Variants in GFPT2 observed in about 807,000 individuals in gnomAD.
GFPT2 encodes glutamine--fructose-6-phosphate aminotransferase [isomerizing] 2.
In GFPT2, 62 loss-of-function variants were observed where a neutral mutation model predicts 85.6. The ratio of observed to expected loss-of-function variants is 0.72; its 90% CI spans 0.59 to 0.90. The LOEUF (loss-of-function observed/expected upper bound fraction) is 0.90, where lower values mean the gene tolerates loss of function less well. Among genes scored for constraint, GFPT2 ranks in the 40% least tolerant of loss-of-function variants. The pLI is 0.00. For missense variants in GFPT2, 788 were observed against 893.4 expected, an observed-to-expected ratio of 0.88 and a Z score of 1.50; for synonymous variants, 368 against 344.5, an observed-to-expected ratio of 1.07 and a Z score of -0.75.
intron 18 of GFPT2, 68 bp from the exon 19 acceptor site, chr5:180,301,676 A>G (rs1763675248): frequency 5.5e-6 from 7 of 1,272,410 alleles, no homozygotes; most frequent in Non-Finnish European, 6.9e-6. Flanking sequence ...CTCACAGACA[A>G]TTTTCAGAGT....
chr5:180,348,162 G>C lies in GFPT2; in HGVS notation c.7+5049C>G, dbSNP rs563700141. ...ACCTTTATAGTCCATGAGCCTCCTA[G>C]AGATTAGGTATCATCCCAGGTCCCA... On this transcript the variant is annotated intron_variant, in intron 1 of 18. Transcript: ENST00000253778. Among the ~76,000 whole-genome samples, 4 of 152,340 alleles carry C rather than the reference G, an allele frequency of 2.6e-5. No homozygotes were observed. In the South Asian group the frequency reaches 8.3e-4, roughly 32 times the overall value.
chr5:180,309,150 G>A (rs1000231077), intron 15 of GFPT2, among the ~76,000 whole-genome samples: 3 of 152,046 alleles, frequency 2.0e-5, no homozygotes, highest in Non-Finnish European at 4.4e-5. Flanking sequence ...GGGATTACAG[G>A]CATCAGCCAC....
rs750170076 is a variant in GFPT2 at position 180,328,287 on chromosome 5, C to T, written c.586G>A (p.Val196Ile). ...TGTGTTTTGCCTCACCGTGTGGCAA[C>T]GGCTTCTCCTGGGTAGTGGACACTC... ...FKSVHYPGEA[V>I]ATRRGSPLLI... Residue 196 changes from valine to isoleucine, a missense_variant, in exon 7 of 19, where the codon GTT (valine) becomes ATT (isoleucine). Coordinates refer to ENST00000253778, the MANE Select transcript of GFPT2 (RefSeq NM_005110.4). This position sits in a 1 kb window ranked among gnomAD's most constrained non-coding sequence, Gnocchi z 5.4. The T allele has an allele frequency of 2.5e-5, 41 of 1,611,168 alleles. No individual in the cohort carries two copies. The highest frequency in any genetic ancestry group is 2.5e-4 in the South Asian group (23 of 91,030).
rs528262983 is a variant in GFPT2 at position 180,328,237 on chromosome 5, C to T, written c.596+40G>A. 2.6e-5 allele frequency: 38 copies of T among 1,476,906 alleles called. No individual in the cohort carries two copies. In the East Asian group the frequency reaches 6.6e-4, roughly 25 times the overall value. The allele number at this position is 1,476,906 out of a possible 1,614,324, so 91.5% of individuals were successfully genotyped here. On this transcript the variant is annotated intron_variant, in intron 7 of 18. Transcript: ENST00000253778. The surrounding 1 kb of genome is among the most constrained non-coding windows in gnomAD (Gnocchi z 5.4). ...CCCTCCAGCTAAGTGATTTTATTTT[C>T]GTTCTTTCTTATGGGAAATGCCAGT...
At chr5:180,324,974 G>T in intron 7 of GFPT2, 79 bp from the exon 8 acceptor site, 1 of 899,514 alleles carries the variant, frequency 1.1e-6, no homozygotes, top group Non-Finnish European at 1.9e-6. Context: ...TCTGAGGTAG[G>T]ATCCCCAAAT....
chr5:180,321,147 A>G (rs62404931), intron 9 of GFPT2, among the ~76,000 whole-genome samples: 5 of 152,164 alleles, frequency 3.3e-5, no homozygotes, highest in African/African-American at 1.2e-4. Context: ...GTATAAAAGT[A>G]TACAGAGCTT....
chr5:180,305,485 G>T (rs535860115), intron 16 of GFPT2, among the ~76,000 whole-genome samples: 1 of 152,266 alleles, frequency 6.6e-6, no homozygotes, highest in South Asian at 2.1e-4. Flanking sequence ...CCACGTCATT[G>T]AAATGGTGAG....
At position 180,346,162 on chromosome 5, in the gene GFPT2, G is replaced by A. The variant is rs544032551; in HGVS notation, c.7+7049C>T. On this transcript the variant is annotated intron_variant, in intron 1 of 18. Coordinates refer to ENST00000253778, the MANE Select transcript of GFPT2 (RefSeq NM_005110.4). ...CTCTAATCCTCATGACATCCTGTGT[G>A]AAGAGACTGTGGTTCCCAGGGATAG... is the stretch of plus-strand genomic sequence containing the variant. Among the ~76,000 whole-genome samples the A allele has an allele frequency of 1.1e-4, 16 of 152,224 alleles. No homozygotes were observed. In the East Asian group the frequency reaches 2.9e-3, roughly 28 times the overall value.
intron 3 of GFPT2, chr5:180,336,254 T>C: frequency 1.7e-6 from 1 of 597,050 alleles, no homozygotes; most frequent in Admixed American, 3.0e-5. Context: ...ATAACTACTG[T>C]ATGTAACCCT....
At chr5:180,310,231 T>G (rs1763853707) in intron 15 of GFPT2, among the ~76,000 whole-genome samples, 1 of 151,698 alleles carries the variant, frequency 6.6e-6, no homozygotes, top group African/African-American at 2.4e-5. Flanking sequence ...GCCTCCCAAG[T>G]AGCTGGGATT....
At chr5:180,303,866 C>T (rs187621621) in intron 17 of GFPT2, among the ~76,000 whole-genome samples, 1 of 152,234 alleles carries the variant, frequency 6.6e-6, no homozygotes, top group Admixed American at 6.5e-5. Flanking sequence ...GGTGACGACT[C>T]GTGGTGGGCC....
Position 180,353,333 on chromosome 5 carries a change from A to G in GFPT2, c.-116T>C, listed in dbSNP as rs1225434646. The G allele has an allele frequency of 8.4e-6, 6 of 714,316 alleles. No homozygotes were observed. Among genetic ancestry groups the G allele is most frequent in the Non-Finnish European group, 1.1e-5 (6 of 565,068 alleles). The allele number at this position is 714,316 out of a possible 1,614,324, so 44.2% of individuals were successfully genotyped here. A position where few individuals can be genotyped will look rare whatever the true frequency, so the allele number is the denominator to read the frequency against. On this transcript the variant is annotated 5_prime_UTR_variant, in exon 1 of 19. Coordinates refer to ENST00000253778, the MANE Select transcript of GFPT2 (RefSeq NM_005110.4). Reference sequence around the variant, plus strand: ...GGGCTCCGTGGGCTCCGCGGGCTCCAGCTCCCGTCCGCTCGGCCTCCAGCC... The same window carrying G: ...GGGCTCCGTGGGCTCCGCGGGCTCCGGCTCCCGTCCGCTCGGCCTCCAGCC...
intron 13 of GFPT2, among the ~76,000 whole-genome samples, chr5:180,315,791 G>A (rs986153811): frequency 6.6e-6 from 1 of 152,190 alleles, no homozygotes; most frequent in Admixed American, 6.5e-5. Context: ...GCCCAGTGTT[G>A]GGATGGCACC....
rs78902850 is a variant in GFPT2, at chr5:180,343,554, G to A, written c.8-4954C>T. ...CCTCTTGCGTAGTGACATCCCTTCGGTCACTTCTTTCATGAAGGAAGCTCT... is the reference window on the plus strand; with the variant it reads ...CCTCTTGCGTAGTGACATCCCTTCGATCACTTCTTTCATGAAGGAAGCTCT... On this transcript the variant is annotated intron_variant, in intron 1 of 18. Coordinates refer to ENST00000253778, the MANE Select transcript of GFPT2 (RefSeq NM_005110.4). 4.4e-3 allele frequency among the ~76,000 whole-genome samples: 666 copies of A among 152,344 alleles called. 16 individuals are homozygous for A. Among genetic ancestry groups the A allele is most frequent in the South Asian group, 0.043 (209 of 4,826 alleles).
intron 7 of GFPT2, among the ~76,000 whole-genome samples, chr5:180,326,984 T>C (rs1028398064): frequency 1.3e-5 from 2 of 152,220 alleles, no homozygotes; most frequent in Admixed American, 6.5e-5. Context: ...CCAACTGGTA[T>C]TTTATAATTC....
chr5:180,339,647 A>C (rs1478494963), intron 1 of GFPT2, among the ~76,000 whole-genome samples: 1 of 152,110 alleles, frequency 6.6e-6, no homozygotes, highest in Admixed American at 6.5e-5. Context: ...TGCATGCCCC[A>C]TCCTCATCCC....
intron 12 of GFPT2, 26 bp downstream of exon 12, chr5:180,316,738 T>A (rs1394380096): frequency 2.6e-6 from 4 of 1,522,840 alleles, no homozygotes; most frequent in Admixed American, 1.7e-5. Context: ...GCCGTCGACT[T>A]CCCCACGCAC....
chr5:180,306,920 C>A (rs1444204275), intron 16 of GFPT2, among the ~76,000 whole-genome samples: 1 of 152,186 alleles, frequency 6.6e-6, no homozygotes, highest in Non-Finnish European at 1.5e-5. Flanking sequence ...GAGGGGCACA[C>A]CCCAGGCGCC....
At chr5:180,336,327 G>A (rs1443683310) in intron 3 of GFPT2, 152 bp downstream of exon 3, 11 of 687,090 alleles carry the variant, frequency 1.6e-5, no homozygotes, top group African/African-American at 5.4e-5. Flanking sequence ...CATACCCTGC[G>A]AAGCCCGGTT....
Sources: gnomAD v4.1 joint callset for allele counts (sites outside exome capture counted in the v4.1 genomes callset) on GRCh38, gnomAD v4.1.1 for gene constraint, Gnocchi (gnomAD v3.1) non-coding constraint, MANE v1.5 for transcripts, NCBI Gene and HGNC (gene_info 2026-07-23, HGNC 2026-07-21) for gene names.